Variants in PIP4K2A observed in about 807,000 individuals in gnomAD.
The protein encoded by PIP4K2A is phosphatidylinositol-5-phosphate 4-kinase type 2 alpha.
Under a neutral mutation model 42.9 loss-of-function variants are expected in PIP4K2A, and 14 were observed. The ratio of observed to expected loss-of-function variants is 0.33; its 90% confidence interval spans 0.22 to 0.51. The LOEUF (loss-of-function observed/expected upper bound fraction) is 0.51. Ranked by LOEUF, PIP4K2A falls within the 20% of genes least tolerant of loss-of-function variation. The probability of loss-of-function intolerance (pLI) is 0.97; values close to 1 mark genes in which losing one functional copy is unlikely to be tolerated. For missense variants in PIP4K2A, 434 were observed against 519.8 expected, an observed-to-expected ratio of 0.83 and a Z score of 1.61; for synonymous variants, 192 against 192.2, an observed-to-expected ratio of 1.00 and a Z score of 0.01.
At chr10:22,632,761 G>C (rs910060508) in intron 1 of PIP4K2A, among the ~76,000 whole-genome samples, 11 of 151,972 alleles carry the variant, frequency 7.2e-5, no homozygotes, top group Non-Finnish European at 1.6e-4. Context: ...AAAAATTATG[G>C]GGAAAAAAGG....
intron 4 of PIP4K2A, among the ~76,000 whole-genome samples, chr10:22,584,742 G>A (rs552748488): frequency 3.9e-5 from 6 of 152,310 alleles, no homozygotes; most frequent in African/African-American, 1.2e-4. Flanking sequence ...GAAGCAAGAC[G>A]TGTCCGCAGT....
intron 3 of PIP4K2A, among the ~76,000 whole-genome samples, chr10:22,605,839 C>T (rs1837894876): frequency 1.2e-5 from 1 of 84,678 alleles, no homozygotes. Context: ...GCTGTTAATT[C>T]CTTTAAAAAA....
chr10:22,583,942 C>A lies in PIP4K2A; in HGVS notation c.492+7687G>T, dbSNP rs111601980. On this transcript the variant is annotated intron_variant, in intron 4 of 9. Coordinates refer to ENST00000376573, the MANE Select transcript of PIP4K2A (RefSeq NM_005028.5). ...GCCTCTAGGGGCATGTTCCATAGTG[C>A]CCCGCCAGGTTAGCTGAGGCTTGAC... 2.3e-3 allele frequency among the ~76,000 whole-genome samples: 343 copies of A among 152,350 alleles called. 1 individual carries two copies. The highest frequency in any genetic ancestry group is 7.8e-3 in the African/African-American group (326 of 41,582).
chr10:22,665,665 C>A (rs1244977461), intron 1 of PIP4K2A, among the ~76,000 whole-genome samples: 1 of 147,576 alleles, frequency 6.8e-6, no homozygotes, highest in Non-Finnish European at 1.5e-5. Context: ...GTTGCCCACA[C>A]TGGTCTCAAA....
chr10:22,599,512 G>T (rs1418425595), intron 3 of PIP4K2A, among the ~76,000 whole-genome samples: 1 of 152,206 alleles, frequency 6.6e-6, no homozygotes, highest in Non-Finnish European at 1.5e-5. Flanking sequence ...AGGTGACCTG[G>T]CAAGTGCTCT....
intron 8 of PIP4K2A, among the ~76,000 whole-genome samples, chr10:22,540,949 G>GCAAAACAGAA (rs902277388): frequency 1.3e-5 from 2 of 152,232 alleles, no homozygotes; most frequent in Middle Eastern, 3.4e-3. Context: ...ATTTTGGTGA[G>GCAAAACAGAA]CAAAACAGAA....
chr10:22,596,286 A>C (rs1837634157), intron 3 of PIP4K2A, among the ~76,000 whole-genome samples: 1 of 151,214 alleles, frequency 6.6e-6, no homozygotes, highest in Non-Finnish European at 1.5e-5. Flanking sequence ...GGGCCTCGGA[A>C]GGTGACTCAG....
At chr10:22,579,074 G>GA (rs1837192215) in intron 4 of PIP4K2A, among the ~76,000 whole-genome samples, 1 of 151,970 alleles carries the variant, frequency 6.6e-6, no homozygotes, top group East Asian at 1.9e-4. Context: ...CAATAAGTAG[G>GA]AAAAAAGGCA....
At chr10:22,671,034 C>T (rs1462949668) in intron 1 of PIP4K2A, among the ~76,000 whole-genome samples, 1 of 152,088 alleles carries the variant, frequency 6.6e-6, no homozygotes, top group Non-Finnish European at 1.5e-5. Flanking sequence ...AATGCCTTTC[C>T]CTTCACTGAG....
chr10:22,633,195 C>T (rs913348500), intron 1 of PIP4K2A, among the ~76,000 whole-genome samples: 1 of 152,336 alleles, frequency 6.6e-6, no homozygotes, highest in Non-Finnish European at 1.5e-5. Flanking sequence ...AACACAGCTC[C>T]AGAACCTGGG....
chr10:22,694,302 T>A (rs1032172640), intron 1 of PIP4K2A: 1 of 152,222 alleles, frequency 6.6e-6, no homozygotes, highest in African/African-American at 2.4e-5. Flanking sequence ...AGCCCTTATT[T>A]GGGTCCACAG....
intron 1 of PIP4K2A, among the ~76,000 whole-genome samples, chr10:22,672,859 C>T (rs1023019388): frequency 6.6e-6 from 1 of 152,170 alleles, no homozygotes; most frequent in African/African-American, 2.4e-5. Flanking sequence ...AGGTGAGCAG[C>T]AGGTTAACAT....
chr10:22,681,602 G>C (rs994095288), intron 1 of PIP4K2A, among the ~76,000 whole-genome samples: 11 of 152,106 alleles, frequency 7.2e-5, no homozygotes, highest in Non-Finnish European at 1.5e-4. Flanking sequence ...TTGAGCCTGG[G>C]GGGTAGAGGC....
At chr10:22,613,147 A>G (rs1463994230) in intron 1 of PIP4K2A, among the ~76,000 whole-genome samples, 3 of 152,170 alleles carry the variant, frequency 2.0e-5, no homozygotes, top group Admixed American at 6.5e-5. Context: ...TTGAGAAGGC[A>G]GGGACTGGGA....
rs34435373 is a variant in PIP4K2A, at chr10:22,535,890, G to GA, written c.*1310dup. On this transcript the variant is annotated 3_prime_UTR_variant, in exon 10 of 10. Transcript: ENST00000376573. ...TAGGTTGATAAATGTACATTTGGAG[G>GA]AAAAAAAAATCCTTTTCCTTTTATT... 2 of 373,096 alleles carry GA rather than the reference G, an allele frequency of 5.4e-6. No individual in the cohort carries two copies. The highest frequency in any genetic ancestry group is 9.5e-6 in the Non-Finnish European group (2 of 210,268). 23.1% of individuals were successfully genotyped at this position (373,096 alleles called of 1,614,324 possible). A position where few individuals can be genotyped will look rare whatever the true frequency, so the allele number is the denominator to read the frequency against.
chr10:22,640,029 T>A (rs929929911), intron 1 of PIP4K2A, among the ~76,000 whole-genome samples: 1 of 137,168 alleles, frequency 7.3e-6, no homozygotes, highest in Non-Finnish European at 1.7e-5. Context: ...TTTTTTTTTT[T>A]TTTTTTTTTT....
At chr10:22,555,068 T>G (rs547821831) in intron 6 of PIP4K2A, among the ~76,000 whole-genome samples, 1 of 152,212 alleles carries the variant, frequency 6.6e-6, no homozygotes, top group Admixed American at 6.5e-5. Flanking sequence ...GGGACGCCGT[T>G]CCCCCCGCAG....
At chr10:22,539,809 C>T (rs1368597811) in intron 9 of PIP4K2A, among the ~76,000 whole-genome samples, 162 bp downstream of exon 9, 1 of 150,946 alleles carries the variant, frequency 6.6e-6, no homozygotes, top group Non-Finnish European at 1.5e-5. Flanking sequence ...CACTAAAGGG[C>T]TTTGAATGGC....
chr10:22,696,483 T>C lies in PIP4K2A; in HGVS notation c.144+17700A>G, dbSNP rs566498277. 3.3e-5 allele frequency among the ~76,000 whole-genome samples: 5 copies of C among 152,198 alleles called. No homozygotes were observed. In the South Asian group the frequency reaches 1.0e-3, roughly 31 times the overall value. On this transcript the variant is annotated intron_variant, in intron 1 of 9. Transcript: ENST00000376573. ...GGAATAAATTTGTTTTGAAATAGCC[T>C]TTGGCCACTCTGATTAAGTAGAAAA...
Sources: gnomAD v4.1 joint callset for allele counts (sites outside exome capture counted in the v4.1 genomes callset) on GRCh38, gnomAD v4.1.1 for gene constraint, MANE v1.5 for transcripts, NCBI Gene and HGNC (gene_info 2026-07-23, HGNC 2026-07-21) for gene names.